Variants in SOX8 observed in about 807,000 individuals in gnomAD.
SOX8 encodes SRY-box transcription factor 8.
SOX8 carries 9 observed loss-of-function variants against 22.9 expected under a neutral mutation model. That is an observed-to-expected ratio of 0.39 (90% confidence interval 0.24 to 0.69). The LOEUF (loss-of-function observed/expected upper bound fraction) is 0.69, where lower values mean the gene tolerates loss of function less well. Ranked by LOEUF, SOX8 falls within the 30% of genes least tolerant of loss-of-function variation. SOX8 has a pLI of 0.43. For missense variants in SOX8, 734 were observed against 699.4 expected, an observed-to-expected ratio of 1.05 and a Z score of -0.56; for synonymous variants, 416 against 330.6, an observed-to-expected ratio of 1.26 and a Z score of -2.80.
In SOX8 at chr16:985,406, G is replaced by A; in HGVS notation, c.*20G>A. On this transcript the variant is annotated 3_prime_UTR_variant, in exon 3 of 3. Transcript: ENST00000293894. The stretch of plus-strand genomic sequence containing the variant: ...CCCTGAGGGCCCAGCCGCGGGGAGG[G>A]ACTCGCAGGCGTCAGGGGGCAGCCT... The A allele has an allele frequency of 1.3e-6, 2 of 1,504,452 alleles. No homozygotes were observed. The highest frequency in any genetic ancestry group is 1.8e-6 in the Non-Finnish European group (2 of 1,126,872). 93.2% of individuals were successfully genotyped at this position (1,504,452 alleles called of 1,614,324 possible).
At chr16:983,378 C>G (rs2073423773) in intron 1 of SOX8, 2 of 188,852 alleles carry the variant, frequency 1.1e-5, no homozygotes, top group Non-Finnish European at 2.2e-5. Context: ...CGCTTTTGTC[C>G]ACCGCCGGCT....
chr16:985,065 G>T lies in SOX8; in HGVS notation c.1020G>T (p.Thr340=). The T allele has an allele frequency of 6.3e-7, 1 of 1,583,340 alleles. No homozygotes were observed. Residue 340 remains threonine, a synonymous_variant, in exon 3 of 3, where the codon ACG becomes ACT. Transcript: ENST00000293894. ...GTCCCCCACGGCCGCACATCAAGAC[G>T]GAGCAGCCGAGCCCCGGCCACTACG... ...ETGPPRPHIK[T]EQPSPGHYGD... is the part of the protein sequence containing the mutation.
Position 985,001 on chromosome 16 carries a change from A to G in SOX8, c.956A>G (p.Lys319Arg). ...HAGASPVWAHKSAPSASASPT... is the reference protein window; with the variant it reads ...HAGASPVWAHRSAPSASASPT... Reference sequence around the variant, plus strand: ...GGGGCGTCCCCCGTGTGGGCCCACAAGAGTGCCCCGTCGGCCTCCGCGTCG... The same window carrying G: ...GGGGCGTCCCCCGTGTGGGCCCACAGGAGTGCCCCGTCGGCCTCCGCGTCG... Residue 319 changes from lysine (K) to arginine (R), a missense_variant, in exon 3 of 3, where the codon AAG (lysine) becomes AGG (arginine). Physicochemically the swap from Lys to Arg is conservative, Grantham distance 26. This residue lies in a region of SOX8 where 588 missense variants were observed against 568.2 expected (regional missense o/e 1.03). Coordinates refer to ENST00000293894, the MANE Select transcript of SOX8 (RefSeq NM_014587.5). 6.3e-7 allele frequency: 1 copy of G among 1,583,394 alleles called. No individual in the cohort carries two copies. The highest frequency in any genetic ancestry group is 2.3e-5 in the East Asian group (1 of 43,754).
Position 984,796 on chromosome 16 carries a change from C to T in SOX8, c.751C>T (p.Pro251Ser), listed in dbSNP as rs2073440043. Residue 251 changes from proline (P) to serine (S), a missense_variant, in exon 3 of 3, where the codon CCG becomes TCG. Physicochemically the swap from Pro to Ser is moderately conservative, Grantham distance 74. This residue lies in a region of SOX8 where 588 missense variants were observed against 568.2 expected (regional missense o/e 1.03). Coordinates refer to ENST00000293894, the MANE Select transcript of SOX8 (RefSeq NM_014587.5). ...GGAGCTGAAGCTGGAGGGACGCCGG[C>T]CGGTGGACAGCGGGCGCCAGAACAT... ...KPELKLEGRR[P>S]VDSGRQNIDF... 6 of 1,611,152 alleles carry T rather than the reference C, an allele frequency of 3.7e-6. No individual in the cohort carries two copies. The highest frequency in any genetic ancestry group is 2.7e-5 in the African/African-American group (2 of 74,982).
At position 984,928 on chromosome 16, in the gene SOX8, G is replaced by C; in HGVS notation, c.883G>C (p.Ala295Pro). The change falls in exon 3 of 3, where the codon GCC becomes CCC. Residue 295 changes from alanine to proline, a missense_variant. Ala to Pro is a conservative substitution (Grantham distance 27). Transcript: ENST00000293894. ...CCAGTACCTGCCCCTGGGCGGCCCC[G>C]CCCCACCCGAGCCGGGCCAGGCCTA... ...FDQYLPLGGPAPPEPGQAYGG... is the reference protein window; with the variant it reads ...FDQYLPLGGPPPPEPGQAYGG... 1 of 1,603,122 alleles carries C rather than the reference G, an allele frequency of 6.2e-7. No individual in the cohort carries two copies. The highest frequency in any genetic ancestry group is 8.5e-7 in the Non-Finnish European group (1 of 1,174,640).
At position 985,322 on chromosome 16, in the gene SOX8, C is replaced by T. The variant is rs780757753; in HGVS notation, c.1277C>T (p.Pro426Leu). Residue 426 changes from proline to leucine, a missense_variant, in exon 3 of 3, where the codon CCG becomes CTG. By Grantham distance (98) the Pro-to-Leu change is moderately conservative. Around this residue, in one of 3 missense-constraint regions of SOX8, gnomAD observed 588 missense variants for 568.2 expected, o/e 1.03. Coordinates refer to ENST00000293894, the MANE Select transcript of SOX8 (RefSeq NM_014587.5). Reference protein sequence around the residue: ...ASPLLNGLALPPAHSPTSHWD... With the variant: ...ASPLLNGLALLPAHSPTSHWD... ...CCCCTGCTCAACGGCCTGGCCCTGC[C>T]GCCCGCCCACAGCCCCACCAGTCAC... The T allele has an allele frequency of 1.0e-5, 16 of 1,599,552 alleles. No individual in the cohort carries two copies. Among genetic ancestry groups the T allele is most frequent in the South Asian group, 3.3e-5 (3 of 90,144 alleles).
chr16:985,539 C>T lies in SOX8; in HGVS notation c.*153C>T. 1 of 622,056 alleles carries T rather than the reference C, an allele frequency of 1.6e-6. No homozygotes were observed. The highest frequency in any genetic ancestry group is 2.7e-6 in the Non-Finnish European group (1 of 373,574). The allele number at this position is 622,056 out of a possible 1,614,324, so 38.5% of individuals were successfully genotyped here. On this transcript the variant is annotated 3_prime_UTR_variant, in exon 3 of 3. Coordinates refer to ENST00000293894, the MANE Select transcript of SOX8 (RefSeq NM_014587.5). ...CACGCTTGCTGCCCGTGGCCCTCGG[C>T]CTCCAGATGGCCACACCTCTGCCGA...
intron 1 of SOX8, 150 bp downstream of exon 1, chr16:982,494 G>T: frequency 1.1e-6 from 1 of 886,400 alleles, no homozygotes; most frequent in Non-Finnish European, 1.5e-6. Context: ...GTCAGGGCGG[G>T]TCCCAGTGGA....
In SOX8 at chr16:985,497, T is replaced by A. The variant is rs571955505; in HGVS notation, c.*111T>A. 4.3e-4 allele frequency: 385 copies of A among 897,120 alleles called. 2 individuals carry two copies. In the African/African-American group the frequency reaches 6.2e-3, roughly 14 times the overall value. 55.6% of individuals were successfully genotyped at this position (897,120 alleles called of 1,614,324 possible). A position where few individuals can be genotyped will look rare whatever the true frequency, so the allele number is the denominator to read the frequency against. On this transcript the variant is annotated 3_prime_UTR_variant, in exon 3 of 3. Coordinates refer to ENST00000293894, the MANE Select transcript of SOX8 (RefSeq NM_014587.5). ...CAGTGGCTGAGCTCCAAGTGCCTGC[T>A]GAAGTCTGCAGGGAAACACGCTTGC...
chr16:985,263 C>G lies in SOX8; in HGVS notation c.1218C>G (p.Pro406=), dbSNP rs1012064242. ...PGYAPGLYQY[P]CFHSPRRPYA... ...ACGCACCCGGCCTCTACCAGTACCCCTGCTTCCACTCGCCGCGCCGGCCCT... is the reference window on the plus strand; with the variant it reads ...ACGCACCCGGCCTCTACCAGTACCCGTGCTTCCACTCGCCGCGCCGGCCCT... Residue 406 remains proline, a synonymous_variant, in exon 3 of 3, where the codon CCC becomes CCG. Coordinates refer to ENST00000293894, the MANE Select transcript of SOX8 (RefSeq NM_014587.5). 4 of 1,611,946 alleles carry G rather than the reference C, an allele frequency of 2.5e-6. No individual in the cohort carries two copies. The highest frequency in any genetic ancestry group is 3.4e-6 in the Non-Finnish European group (4 of 1,179,654).
In SOX8 at chr16:982,144, G is replaced by C. The variant is rs934902367; in HGVS notation, c.222G>C (p.Gln74His). 6.9e-7 allele frequency: 1 copy of C among 1,442,478 alleles called. No homozygotes were observed. 89.4% of individuals were successfully genotyped at this position (1,442,478 alleles called of 1,614,324 possible). A position where few individuals can be genotyped will look rare whatever the true frequency, so the allele number is the denominator to read the frequency against. ...FPACIRDAVSQVLKGYDWSLV... is the reference protein window; with the variant it reads ...FPACIRDAVSHVLKGYDWSLV... ...CCTGCATCCGCGACGCCGTGTCGCA[G>C]GTGCTCAAGGGCTACGACTGGAGTC... Residue 74 changes from glutamine (Q) to histidine (H), a missense_variant, in exon 1 of 3, where the codon CAG becomes CAC. By Grantham distance (24) the Gln-to-His change is conservative (BLOSUM62 0). This residue lies in a region of SOX8 where 7 missense variants were observed against 22.1 expected (regional missense o/e 0.32). Coordinates refer to ENST00000293894, the MANE Select transcript of SOX8 (RefSeq NM_014587.5).
In SOX8 at chr16:986,150, A is replaced by C. The variant is rs1296663553; in HGVS notation, c.*764A>C. ...AAGCTGGGAAGCTTCCCTTGAGGGCAGGCAGGAGGTGGAGTTGCAGCTGTT... is the reference window on the plus strand; with the variant it reads ...AAGCTGGGAAGCTTCCCTTGAGGGCCGGCAGGAGGTGGAGTTGCAGCTGTT... On this transcript the variant is annotated 3_prime_UTR_variant, in exon 3 of 3. Coordinates refer to ENST00000293894, the MANE Select transcript of SOX8 (RefSeq NM_014587.5). The C allele has an allele frequency of 6.6e-6, 1 of 152,262 alleles. No homozygotes were observed. The highest frequency in any genetic ancestry group is 1.5e-5 in the Non-Finnish European group (1 of 68,046). The allele number at this position is 152,262 out of a possible 1,614,324, so 9.4% of individuals were successfully genotyped here.
At position 985,424 on chromosome 16, in the gene SOX8, G is replaced by A. The variant is rs903699358; in HGVS notation, c.*38G>A. On this transcript the variant is annotated 3_prime_UTR_variant, in exon 3 of 3. Coordinates refer to ENST00000293894, the MANE Select transcript of SOX8 (RefSeq NM_014587.5). Reference sequence around the variant, plus strand: ...GGGGAGGGACTCGCAGGCGTCAGGGGGCAGCCTTGTCCCGGCCCAGTGTGT... The same window carrying A: ...GGGGAGGGACTCGCAGGCGTCAGGGAGCAGCCTTGTCCCGGCCCAGTGTGT... The A allele has an allele frequency of 6.8e-7, 1 of 1,460,928 alleles. No individual in the cohort carries two copies. Among genetic ancestry groups the A allele is most frequent in the Middle Eastern group, 1.8e-4 (1 of 5,480 alleles). 90.5% of individuals were successfully genotyped at this position (1,460,928 alleles called of 1,614,324 possible). A position where few individuals can be genotyped will look rare whatever the true frequency, so the allele number is the denominator to read the frequency against.
chr16:982,571 C>G, intron 1 of SOX8: 1 of 431,658 alleles, frequency 2.3e-6, no homozygotes. Flanking sequence ...GAGGGCAGCG[C>G]CTGGGGTGTG....
rs2073461127 is a variant in SOX8 at position 986,254 on chromosome 16, G to C, written c.*868G>C. ...CCGGAGGTCCCAAGGTCCCTGGGAG[G>C]ACTGGGCCCCTCATGCCTCGAGCTT... On this transcript the variant is annotated 3_prime_UTR_variant, in exon 3 of 3. Transcript: ENST00000293894. 1 of 152,228 alleles carries C rather than the reference G, an allele frequency of 6.6e-6. No homozygotes were observed. The highest frequency in any genetic ancestry group is 1.5e-5 in the Non-Finnish European group (1 of 68,038). 9.4% of individuals were successfully genotyped at this position (152,228 alleles called of 1,614,324 possible).
At chr16:983,681 G>T in intron 1 of SOX8, 47 bp from the exon 2 acceptor site, 1 of 1,566,654 alleles carries the variant, frequency 6.4e-7, no homozygotes, top group Non-Finnish European at 8.7e-7. Context: ...CTGCGCCGAG[G>T]GCACAGTGGG....
At chr16:982,477 G>C in intron 1 of SOX8, 133 bp downstream of exon 1, 1 of 1,018,592 alleles carries the variant, frequency 9.8e-7, no homozygotes, top group Non-Finnish European at 1.3e-6. Context: ...CTGCACCCCG[G>C]GCGGGTGTCA....
Sources: allele counts gnomAD v4.1 joint callset, GRCh38; gene constraint gnomAD v4.1.1; regional missense constraint gnomAD v4.1.1; transcripts MANE v1.5; gene names NCBI Gene and HGNC (gene_info 2026-07-23, HGNC 2026-07-21).